The following SOS1 variants were observed in gnomAD, a reference collection of about 807,000 sequenced individuals.
The protein encoded by SOS1 is SOS Ras/Rac guanine nucleotide exchange factor 1.
SOS1 carries 25 observed loss-of-function variants against 157.6 expected under a neutral mutation model. The observed-to-expected ratio is 0.16, with a 90% CI of 0.12 to 0.22. The LOEUF is 0.22. SOS1 is among the 10% of genes least tolerant of loss of function. The pLI, the probability that SOS1 is intolerant of heterozygous loss-of-function variation, is 1.00. For missense variants in SOS1, 1,237 were observed against 1,599.1 expected (o/e 0.77, Z 3.86); for synonymous variants, 528 against 534.0 (o/e 0.99, Z 0.16).
chr2:39,102,165 A>G (rs1371959596), intron 1 of SOS1, among the ~76,000 whole-genome samples: 1 of 123,522 alleles, frequency 8.1e-6, no homozygotes, highest in East Asian at 2.7e-4. Flanking sequence ...AGATCATGCC[A>G]TTGCATTCCA....
intron 17 of SOS1, among the ~76,000 whole-genome samples, chr2:38,999,954 C>T (rs1669038814): frequency 6.6e-6 from 1 of 152,068 alleles, no homozygotes; most frequent in South Asian, 2.1e-4. Context: ...GAGTTAAGAC[C>T]AGTAACATGA....
At chr2:39,094,334 G>C (rs1039422708) in intron 1 of SOS1, among the ~76,000 whole-genome samples, 15 of 151,996 alleles carry the variant, frequency 9.9e-5, no homozygotes, top group African/African-American at 3.6e-4. Context: ...TACTTTTGGG[G>C]AGCCTCGATA....
At chr2:39,047,001 T>G (rs1276408403) in intron 6 of SOS1, among the ~76,000 whole-genome samples, 2 of 152,204 alleles carry the variant, frequency 1.3e-5, no homozygotes, top group Non-Finnish European at 2.9e-5. Flanking sequence ...GGAATAACTT[T>G]ACATAAAGTC....
rs772982219 is a variant in SOS1, at chr2:39,077,631, T to C, written c.88-9878A>G. Among the ~76,000 whole-genome samples the C allele has an allele frequency of 5.3e-4, 80 of 152,112 alleles. 1 individual carries two copies. The highest frequency in any genetic ancestry group is 2.2e-3 in the Admixed American group (34 of 15,274). ...AGTGATTAAGATACTAAGATATTAG[T>C]GCAGAAACAGAAAGACCACCGTAAT... On this transcript the variant is annotated intron_variant, in intron 1 of 22. Coordinates refer to ENST00000402219, the MANE Select transcript of SOS1 (RefSeq NM_005633.4).
At position 38,987,517 on chromosome 2, in the gene SOS1, G is replaced by A; in HGVS notation, c.3466C>T (p.Arg1156Ter). ...EVPVPPPVPP[R>*]RRPESAPAES... ...GCTGGGGCAGATTCTGGTCGTCTTC[G>A]TGGAGGAACAGGAGGAGGGACAGGC... Residue 1156 changes from arginine to a stop codon, truncating the protein, a stop_gained, in exon 22 of 23, where the codon CGA (arginine) becomes TGA (stop). Coordinates refer to ENST00000402219, the MANE Select transcript of SOS1 (RefSeq NM_005633.4). LOFTEE classifies it high-confidence loss of function. 1 of 1,604,182 alleles carries A rather than the reference G, an allele frequency of 6.2e-7. No homozygotes were observed. The highest frequency in any genetic ancestry group is 8.5e-7 in the Non-Finnish European group (1 of 1,173,094).
chr2:39,071,669 TAGAAAGTATTCA>T (rs1345716367), intron 1 of SOS1, among the ~76,000 whole-genome samples: 1 of 152,222 alleles, frequency 6.6e-6, no homozygotes, highest in African/African-American at 2.4e-5. Flanking sequence ...AAAGATGTTT[TAGAAAGTATTCA>T]AGAAAGTATG....
At chr2:39,096,486 T>A (rs1475708578) in intron 1 of SOS1, among the ~76,000 whole-genome samples, 1 of 152,212 alleles carries the variant, frequency 6.6e-6, no homozygotes, top group Non-Finnish European at 1.5e-5. Flanking sequence ...TGGTGTAAAA[T>A]AATCAAATAG....
intron 1 of SOS1, among the ~76,000 whole-genome samples, chr2:39,092,391 G>T (rs1019353897): frequency 6.6e-6 from 1 of 151,978 alleles, no homozygotes; most frequent in East Asian, 1.9e-4. Context: ...TGCATTATTG[G>T]CTGCTTCTGA....
rs1351390742 is a variant in SOS1 at position 39,012,361 on chromosome 2, A to G, written c.2168-13T>C. ...TTCATTGCTTTACCTGCAATACATT[A>G]TATTTTAAATAACATTTAAATATTC... On this transcript the variant is annotated splice_polypyrimidine_tract_variant and intron_variant, in intron 13 of 22. Coordinates refer to ENST00000402219, the MANE Select transcript of SOS1 (RefSeq NM_005633.4). The G allele has an allele frequency of 1.6e-6, 2 of 1,253,970 alleles. No homozygotes were observed. Among genetic ancestry groups the G allele is most frequent in the Non-Finnish European group, 2.3e-6 (2 of 880,268 alleles). The allele number at this position is 1,253,970 out of a possible 1,614,324, so 77.7% of individuals were successfully genotyped here.
At chr2:39,058,829 T>G in intron 2 of SOS1, 25 bp from the exon 3 acceptor site, 1 of 1,593,110 alleles carries the variant, frequency 6.3e-7, no homozygotes, top group African/African-American at 1.3e-5. Flanking sequence ...AAATAACAAC[T>G]AAGCAAAAAA....
chr2:39,056,609 T>C (rs1671223017), intron 4 of SOS1, 93 bp downstream of exon 4: 1 of 833,908 alleles, frequency 1.2e-6, no homozygotes. Context: ...CCCCAACACA[T>C]AATACAATTT....
chr2:39,112,448 C>A (rs1673475541), intron 1 of SOS1, among the ~76,000 whole-genome samples: 1 of 152,152 alleles, frequency 6.6e-6, no homozygotes. Context: ...CAGGTGCGTA[C>A]CACCATGCCA....
At chr2:39,094,707 G>A (rs1672711416) in intron 1 of SOS1, among the ~76,000 whole-genome samples, 1 of 152,054 alleles carries the variant, frequency 6.6e-6, no homozygotes, top group Admixed American at 6.6e-5. Flanking sequence ...TTCTGAGACC[G>A]AAAAACTTGA....
Position 38,981,932 on chromosome 2 carries a change from A to G in SOS1, c.*3892T>C, listed in dbSNP as rs1295217548. On this transcript the variant is annotated 3_prime_UTR_variant, in exon 23 of 23. Coordinates refer to ENST00000402219, the MANE Select transcript of SOS1 (RefSeq NM_005633.4). ...AGTTCCCTGCCCAAATCCCGACCCC[A>G]AATGCTGACTTGATCTGAAGAAAAA... 2.0e-5 allele frequency: 3 copies of G among 152,160 alleles called. No individual in the cohort carries two copies. The highest frequency in any genetic ancestry group is 2.9e-5 in the Non-Finnish European group (2 of 68,020). The allele number at this position is 152,160 out of a possible 1,614,324, so 9.4% of individuals were successfully genotyped here.
intron 17 of SOS1, among the ~76,000 whole-genome samples, chr2:39,001,371 T>A (rs747619767): frequency 2.0e-4 from 30 of 152,294 alleles, no homozygotes; most frequent in Non-Finnish European, 3.2e-4. Flanking sequence ...CTGAAAAAAT[T>A]CATTTCTTAG....
At chr2:39,108,442 C>A (rs1008298266) in intron 1 of SOS1, among the ~76,000 whole-genome samples, 2 of 152,220 alleles carry the variant, frequency 1.3e-5, no homozygotes, top group African/African-American at 4.8e-5. Context: ...ACTTCAGCTA[C>A]TCAGAACTCC....
chr2:39,111,195 T>A (rs993811333), intron 1 of SOS1, among the ~76,000 whole-genome samples: 10 of 152,128 alleles, frequency 6.6e-5, no homozygotes, highest in African/African-American at 2.4e-4. Flanking sequence ...ATTGTGCCAC[T>A]GCACTCCAGC....
intron 1 of SOS1, among the ~76,000 whole-genome samples, chr2:39,113,036 CAA>C (rs543968368): frequency 5.3e-5 from 7 of 131,596 alleles, no homozygotes; most frequent in Non-Finnish European, 3.3e-5. Context: ...GACTCTGTCT[CAA>C]AAAAAAAAAA....
chr2:38,986,435 G>A (rs1668562927), intron 22 of SOS1, 120 bp from the exon 23 acceptor site: 3 of 973,270 alleles, frequency 3.1e-6, no homozygotes, highest in Non-Finnish European at 4.5e-6. Flanking sequence ...GTGGAACAGG[G>A]AGTTTTGCCA....
Sources: gnomAD v4.1 joint callset for allele counts (sites outside exome capture counted in the v4.1 genomes callset) on GRCh38, gnomAD v4.1.1 for gene constraint, MANE v1.5 for transcripts, NCBI Gene and HGNC (gene_info 2026-07-23, HGNC 2026-07-21) for gene names.